CDH12: variants seen among roughly 807,000 people sequenced by gnomAD.
CDH12 encodes cadherin 12.
CDH12 carries 41 observed loss-of-function variants against 74.1 expected under a neutral mutation model. The ratio of observed to expected loss-of-function variants is 0.55; its 90% CI spans 0.43 to 0.72. The LOEUF is 0.72. CDH12 is among the 30% of genes least tolerant of loss of function. The pLI is 0.00. For synonymous variants in CDH12, 399 were observed against 355.0 expected (o/e 1.12, Z -1.39); for missense variants, 945 against 977.2 (o/e 0.97, Z 0.44).
At chr5:22,476,029 G>A (rs906017961) in intron 2 of CDH12, among the ~76,000 whole-genome samples, 1 of 151,872 alleles carries the variant, frequency 6.6e-6, no homozygotes, top group Non-Finnish European at 1.5e-5. Flanking sequence ...GCATTCACCT[G>A]TATAATTGCT....
chr5:21,978,004 A>G (rs186691732), intron 5 of CDH12, among the ~76,000 whole-genome samples: 28 of 152,258 alleles, frequency 1.8e-4, no homozygotes, highest in African/African-American at 6.0e-4. Context: ...CATTTTTCCA[A>G]TATTAATTTT....
At chr5:22,099,383 C>T (rs1327593423) in intron 4 of CDH12, among the ~76,000 whole-genome samples, 2 of 152,172 alleles carry the variant, frequency 1.3e-5, no homozygotes, top group African/African-American at 4.8e-5. Context: ...ACACATCTCA[C>T]CAAGCTCAGC....
chr5:21,857,126 C>A (rs563616458), intron 6 of CDH12, among the ~76,000 whole-genome samples: 3 of 151,754 alleles, frequency 2.0e-5, no homozygotes, highest in East Asian at 3.9e-4. Flanking sequence ...CGAGGACTAC[C>A]TTTTTCAGTG....
intron 3 of CDH12, among the ~76,000 whole-genome samples, chr5:22,242,001 G>T (rs1287079329): frequency 3.3e-5 from 5 of 151,952 alleles, no homozygotes; most frequent in African/African-American, 1.2e-4. Flanking sequence ...TGGTAATAAG[G>T]TCTTCAGCCA....
intron 2 of CDH12, among the ~76,000 whole-genome samples, chr5:22,498,799 CTA>C (rs1747210403): frequency 6.7e-6 from 1 of 150,192 alleles, no homozygotes; most frequent in African/African-American, 2.4e-5. Flanking sequence ...TTAAATCAAA[CTA>C]ATTATTTTCA....
intron 6 of CDH12, among the ~76,000 whole-genome samples, chr5:21,947,013 T>C (rs1243401301): frequency 6.6e-6 from 1 of 152,218 alleles, no homozygotes; most frequent in Non-Finnish European, 1.5e-5. Flanking sequence ...TCTGATGGTT[T>C]TAAAAGTGTT....
intron 2 of CDH12, among the ~76,000 whole-genome samples, chr5:22,502,675 A>C (rs115524519): frequency 0.019 from 2,836 of 148,818 alleles, 33 homozygotes; most frequent in Non-Finnish European, 0.03. Flanking sequence ...CACACACACA[A>C]AACCTCCACA....
At chr5:22,693,140 C>T (rs2126946350) in intron 1 of CDH12, among the ~76,000 whole-genome samples, 1 of 152,258 alleles carries the variant, frequency 6.6e-6, no homozygotes, top group Admixed American at 6.5e-5. Flanking sequence ...CACACACAAC[C>T]TCTTGCAGCC....
chr5:22,684,256 C>G lies in CDH12; in HGVS notation c.-523+168802G>C, dbSNP rs533363764. On this transcript the variant is annotated intron_variant, in intron 1 of 14. Transcript: ENST00000382254. ...GGCATGCAATGCACAGTTATCACAT[C>G]ATGGAGAATGGGGTATCCATCCCTC... 5.3e-5 allele frequency among the ~76,000 whole-genome samples: 8 copies of G among 152,270 alleles called. No homozygotes were observed. In the South Asian group the frequency reaches 1.5e-3, roughly 28 times the overall value.
chr5:22,029,290 C>T (rs1259622714), intron 5 of CDH12, among the ~76,000 whole-genome samples: 8 of 152,086 alleles, frequency 5.3e-5, no homozygotes, highest in Non-Finnish European at 1.2e-4. Context: ...AGAGCGTCTG[C>T]ACAGCAAAAG....
At chr5:22,776,750 A>C (rs1747123560) in intron 1 of CDH12, among the ~76,000 whole-genome samples, 1 of 152,186 alleles carries the variant, frequency 6.6e-6, no homozygotes. Flanking sequence ...CTTACTGTTC[A>C]GTTTACAACC....
chr5:21,771,207 T>C (rs1745307666), intron 11 of CDH12, among the ~76,000 whole-genome samples: 1 of 152,036 alleles, frequency 6.6e-6, no homozygotes. Context: ...TTTTTTTTTT[T>C]TAAAGTTAAA....
At chr5:22,495,023 C>A (rs1156545786) in intron 2 of CDH12, among the ~76,000 whole-genome samples, 1 of 152,112 alleles carries the variant, frequency 6.6e-6, no homozygotes, top group East Asian at 1.9e-4. Flanking sequence ...ATACCATTTG[C>A]AAAACAACAA....
At position 22,167,440 on chromosome 5, in the gene CDH12, C is replaced by T. The variant is rs1486432243; in HGVS notation, c.-187+45058G>A. Among the ~76,000 whole-genome samples the T allele has an allele frequency of 5.9e-5, 9 of 152,096 alleles. No individual in the cohort carries two copies. The East Asian group carries it at 1.7e-3, about 29-fold the overall frequency. ...TTGACAGTGGTAATGGTATTGGTGTCCTTCGCTTGTTCCTACTCTGGGGAG... is the reference window on the plus strand; with the variant it reads ...TTGACAGTGGTAATGGTATTGGTGTTCTTCGCTTGTTCCTACTCTGGGGAG... On this transcript the variant is annotated intron_variant, in intron 4 of 14. Transcript: ENST00000382254.
intron 3 of CDH12, among the ~76,000 whole-genome samples, chr5:22,223,151 G>A (rs1438055007): frequency 6.6e-6 from 1 of 151,876 alleles, no homozygotes; most frequent in Non-Finnish European, 1.5e-5. Context: ...GAAGAGTTAG[G>A]GAAATAGGCT....
At chr5:21,913,333 C>G (rs1055186236) in intron 6 of CDH12, among the ~76,000 whole-genome samples, 18 of 152,068 alleles carry the variant, frequency 1.2e-4, no homozygotes, top group Admixed American at 2.6e-4. Context: ...ATAATCATCA[C>G]AATTTTTTTT....
At chr5:21,783,548 T>C in intron 10 of CDH12, 54 bp from the exon 11 acceptor site, 1 of 1,366,112 alleles carries the variant, frequency 7.3e-7, no homozygotes. Context: ...TTAATCATAA[T>C]GGCACTTAGG....
chr5:22,601,795 G>T (rs1432735067), intron 1 of CDH12, among the ~76,000 whole-genome samples: 1 of 152,014 alleles, frequency 6.6e-6, no homozygotes, highest in African/African-American at 2.4e-5. Context: ...TAGGAAACAA[G>T]GATGGGGTGC....
intron 3 of CDH12, among the ~76,000 whole-genome samples, chr5:22,307,777 T>A (rs1028470388): frequency 6.6e-6 from 1 of 151,784 alleles, no homozygotes; most frequent in Non-Finnish European, 1.5e-5. Flanking sequence ...CTAATATGGG[T>A]CATTTTGGCA....
Sources: gnomAD v4.1 joint callset for allele counts (sites outside exome capture counted in the v4.1 genomes callset) on GRCh38, gnomAD v4.1.1 for gene constraint, MANE v1.5 for transcripts, NCBI Gene and HGNC (gene_info 2026-07-23, HGNC 2026-07-21) for gene names.